TOLLIP: variants seen among roughly 807,000 people sequenced by gnomAD.
TOLLIP encodes the protein toll-interacting protein.
Under a neutral mutation model 33.5 loss-of-function variants are expected in TOLLIP, and 16 were observed. The observed-to-expected ratio is 0.48, with a 90% CI of 0.32 to 0.72. The LOEUF (loss-of-function observed/expected upper bound fraction) is 0.72, where lower values mean the gene tolerates loss of function less well. Ranked by LOEUF, TOLLIP falls within the 30% of genes least tolerant of loss-of-function variation. TOLLIP has a pLI of 0.03. For synonymous variants in TOLLIP, 176 were observed against 163.7 expected (o/e 1.07, Z -0.57); for missense variants, 325 against 396.6 (o/e 0.82, Z 1.53).
intron 2 of TOLLIP, among the ~76,000 whole-genome samples, chr11:1,293,581 A>T (rs1170832026): frequency 6.6e-6 from 1 of 152,256 alleles, no homozygotes; most frequent in African/African-American, 2.4e-5. Flanking sequence ...AGGAGGCAGG[A>T]ATGTTTCCCA....
intron 4 of TOLLIP, among the ~76,000 whole-genome samples, 157 bp downstream of exon 4, chr11:1,288,466 AC>A (rs1220139982): frequency 6.6e-6 from 1 of 152,126 alleles, no homozygotes; most frequent in East Asian, 1.9e-4. Context: ...CCACCAAACC[AC>A]CCAGGGCCCC....
At chr11:1,283,479 G>T (rs1403830605) in intron 5 of TOLLIP, 1 of 453,408 alleles carries the variant, frequency 2.2e-6, no homozygotes, top group Non-Finnish European at 4.4e-6. Flanking sequence ...CTGGGCATGG[G>T]GGCTGGGGGC....
intron 3 of TOLLIP, among the ~76,000 whole-genome samples, chr11:1,289,468 C>A (rs543545566): frequency 6.6e-6 from 1 of 152,394 alleles, no homozygotes; most frequent in African/African-American, 2.4e-5. Context: ...AGAAGCGCTG[C>A]AGGTGCAGCC....
Position 1,276,793 on chromosome 11 carries a change from G to A in TOLLIP, c.*246C>T. 6.6e-7 allele frequency: 1 copy of A among 1,521,900 alleles called. No individual in the cohort carries two copies. Among genetic ancestry groups the A allele is most frequent in the Non-Finnish European group, 8.8e-7 (1 of 1,138,164 alleles). The allele number at this position is 1,521,900 out of a possible 1,614,324, so 94.3% of individuals were successfully genotyped here. A position where few individuals can be genotyped will look rare whatever the true frequency, so the allele number is the denominator to read the frequency against. On this transcript the variant is annotated 3_prime_UTR_variant, in exon 6 of 6. Coordinates refer to ENST00000317204, the MANE Select transcript of TOLLIP (RefSeq NM_019009.4). ...GAGAAGGAGAGACGCACGTCCCAGG[G>A]ACAGGAGAGCGCGCTGAGACCTCCC...
At chr11:1,297,717 C>T (rs1489242682) in intron 1 of TOLLIP, among the ~76,000 whole-genome samples, 1 of 152,256 alleles carries the variant, frequency 6.6e-6, no homozygotes, top group Non-Finnish European at 1.5e-5. Flanking sequence ...GAGGGACCCC[C>T]TGCCCTTACG....
At chr11:1,281,627 G>A (rs1384372344) in intron 5 of TOLLIP, among the ~76,000 whole-genome samples, 2 of 152,256 alleles carry the variant, frequency 1.3e-5, no homozygotes, top group Non-Finnish European at 2.9e-5. Context: ...GCCCTAAGAA[G>A]CCGGGCTCTC....
intron 5 of TOLLIP, chr11:1,283,558 T>TGTTCCAAAA: frequency 2.2e-6 from 1 of 456,238 alleles, no homozygotes; most frequent in Non-Finnish European, 4.4e-6. Context: ...CCTTGGGAAC[T>TGTTCCAAAA]TTTCTATGAA....
rs1050296483 is a variant in TOLLIP at position 1,303,620 on chromosome 11, C to T, written c.33+5846G>A. Among the ~76,000 whole-genome samples the T allele has an allele frequency of 4.6e-5, 7 of 152,226 alleles. No individual in the cohort carries two copies. Among genetic ancestry groups the T allele is most frequent in the African/African-American group, 1.2e-4 (5 of 41,462 alleles). On this transcript the variant is annotated intron_variant, in intron 1 of 5. Coordinates refer to ENST00000317204, the MANE Select transcript of TOLLIP (RefSeq NM_019009.4). This position sits in a 1 kb window ranked among gnomAD's most constrained non-coding sequence, Gnocchi z 4.2. ...GGCAGCAAGGCAGGCCTCACCAGCA[C>T]GGTGCCAGGGCAGGGCCCGCAGGAT... is the stretch of plus-strand genomic sequence containing the variant.
intron 5 of TOLLIP, among the ~76,000 whole-genome samples, chr11:1,279,440 G>A (rs1863421602): frequency 6.6e-6 from 1 of 152,224 alleles, no homozygotes; most frequent in African/African-American, 2.4e-5. Flanking sequence ...AAGGCTGCCT[G>A]GGGACTTCAG....
intron 1 of TOLLIP, among the ~76,000 whole-genome samples, chr11:1,308,103 C>T (rs1016874490): frequency 6.6e-6 from 1 of 152,216 alleles, no homozygotes; most frequent in Non-Finnish European, 1.5e-5. Context: ...GTACCGCTCA[C>T]GACAGCCTGC....
chr11:1,276,702 C>T lies in TOLLIP; in HGVS notation c.*337G>A, dbSNP rs1357594668. 1.4e-6 allele frequency: 2 copies of T among 1,418,806 alleles called. No homozygotes were observed. Among genetic ancestry groups the T allele is most frequent in the Non-Finnish European group, 1.9e-6 (2 of 1,071,854 alleles). The allele number at this position is 1,418,806 out of a possible 1,614,324, so 87.9% of individuals were successfully genotyped here. ...CCATGAATGGAATCGGAAGGCGCTC[C>T]ACCACCTCCAACACCCTGGCAGAAG... On this transcript the variant is annotated 3_prime_UTR_variant, in exon 6 of 6. Coordinates refer to ENST00000317204, the MANE Select transcript of TOLLIP (RefSeq NM_019009.4).
At chr11:1,289,883 C>T (rs1463819265) in intron 3 of TOLLIP, among the ~76,000 whole-genome samples, 1 of 148,772 alleles carries the variant, frequency 6.7e-6, no homozygotes, top group Non-Finnish European at 1.5e-5. Context: ...CAGATCAGTG[C>T]CCAGCGGAGG....
At position 1,309,549 on chromosome 11, in the gene TOLLIP, C is replaced by T; in HGVS notation, c.-51G>A. On this transcript the variant is annotated 5_prime_UTR_variant, in exon 1 of 6. Coordinates refer to ENST00000317204, the MANE Select transcript of TOLLIP (RefSeq NM_019009.4). Reference sequence around the variant, plus strand: ...GCCGACCCGACAGTGACGCGCCGGGCGACCTCCTGCGCCCCCGCCGGAGCC... The same window carrying T: ...GCCGACCCGACAGTGACGCGCCGGGTGACCTCCTGCGCCCCCGCCGGAGCC... 8.5e-7 allele frequency: 1 copy of T among 1,183,062 alleles called. No homozygotes were observed. Among genetic ancestry groups the T allele is most frequent in the South Asian group, 2.4e-5 (1 of 40,890 alleles). The allele number at this position is 1,183,062 out of a possible 1,614,324, so 73.3% of individuals were successfully genotyped here.
chr11:1,275,695 G>C lies in TOLLIP; in HGVS notation c.*1344C>G, dbSNP rs893613493. Reference sequence around the variant, plus strand: ...TATTTGACAAAAACCACCCCCAATCGATGGCAGAAAGCAGTATTTTCTAGC... The same window carrying C: ...TATTTGACAAAAACCACCCCCAATCCATGGCAGAAAGCAGTATTTTCTAGC... On this transcript the variant is annotated 3_prime_UTR_variant, in exon 6 of 6. Coordinates refer to ENST00000317204, the MANE Select transcript of TOLLIP (RefSeq NM_019009.4). 1 of 152,078 alleles carries C rather than the reference G, an allele frequency of 6.6e-6. No homozygotes were observed. The highest frequency in any genetic ancestry group is 1.5e-5 in the Non-Finnish European group (1 of 68,028). The allele number at this position is 152,078 out of a possible 1,614,324, so 9.4% of individuals were successfully genotyped here. A position where few individuals can be genotyped will look rare whatever the true frequency, so the allele number is the denominator to read the frequency against.
intron 1 of TOLLIP, among the ~76,000 whole-genome samples, chr11:1,304,604 CTTT>C (rs1374742730): frequency 1.3e-5 from 2 of 152,228 alleles, no homozygotes; most frequent in Non-Finnish European, 2.9e-5. Flanking sequence ...TTAACTTCTT[CTTT>C]ATTTATTCTT....
At chr11:1,281,611 A>C (rs1863500292) in intron 5 of TOLLIP, among the ~76,000 whole-genome samples, 1 of 152,244 alleles carries the variant, frequency 6.6e-6, no homozygotes, top group South Asian at 2.1e-4. Context: ...GCTGGCGAGA[A>C]GCAGGGCCCT....
intron 1 of TOLLIP, among the ~76,000 whole-genome samples, chr11:1,299,600 G>A (rs1213273561): frequency 6.6e-6 from 1 of 152,152 alleles, no homozygotes; most frequent in Admixed American, 6.5e-5. Flanking sequence ...CTGGTTCAAA[G>A]GCTTGGAAAT....
At chr11:1,299,307 A>G in intron 1 of TOLLIP, among the ~76,000 whole-genome samples, 1 of 152,178 alleles carries the variant, frequency 6.6e-6, no homozygotes, top group Non-Finnish European at 1.5e-5. Context: ...CCCGCCTACC[A>G]GGGAGAGGCG....
intron 5 of TOLLIP, among the ~76,000 whole-genome samples, chr11:1,279,569 G>A (rs556779345): frequency 7.9e-5 from 12 of 152,224 alleles, no homozygotes; most frequent in Non-Finnish European, 1.8e-4. Flanking sequence ...CCTGGGAGGA[G>A]TGATGGGCGG....
Sources: gnomAD v4.1 joint callset for allele counts (sites outside exome capture counted in the v4.1 genomes callset) on GRCh38, gnomAD v4.1.1 for gene constraint, Gnocchi (gnomAD v3.1) non-coding constraint, MANE v1.5 for transcripts, NCBI Gene and HGNC (gene_info 2026-07-23, HGNC 2026-07-21) for gene names.